NFIC: variants seen among roughly 807,000 people sequenced by gnomAD.
NFIC encodes the protein nuclear factor 1 C-type.
Under a neutral mutation model 54.4 loss-of-function variants are expected in NFIC, and 12 were observed. That is an observed-to-expected ratio of 0.22 (90% CI 0.14 to 0.36). The LOEUF is 0.36. Ranked by LOEUF, NFIC falls within the 10% of genes least tolerant of loss-of-function variation. The pLI is 1.00. For missense variants in NFIC, 575 were observed against 718.2 expected (o/e 0.80, Z 2.28); for synonymous variants, 322 against 319.2 (o/e 1.01, Z -0.09).
chr19:3,461,838 G>A (rs1446593475), intron 10 of NFIC, among the ~76,000 whole-genome samples: 1 of 149,210 alleles, frequency 6.7e-6, no homozygotes, highest in Admixed American at 6.7e-5. Flanking sequence ...GGCGGATCAC[G>A]AGGTCAAGAG....
rs2081485689 is a variant in NFIC at position 3,397,626 on chromosome 19, CG to C, written c.562+15384del. The stretch of plus-strand genomic sequence containing the variant: ...CACCTCGCTCTCTCTCCCGGCCTTG[CG>C]AGTCTCCTCCCAGCCCCCCATCCCA... On this transcript the variant is annotated intron_variant, in intron 2 of 10. Coordinates refer to ENST00000443272, the MANE Select transcript of NFIC (RefSeq NM_001245002.2). Among the ~76,000 whole-genome samples the C allele has an allele frequency of 3.9e-5, 6 of 152,206 alleles. No homozygotes were observed. In the South Asian group the frequency reaches 1.2e-3, roughly 31 times the overall value.
rs1041626324 is a variant in NFIC, at chr19:3,375,487, A to G, written c.31-6225A>G. Among the ~76,000 whole-genome samples the G allele has an allele frequency of 7.9e-5, 12 of 152,204 alleles. No homozygotes were observed. The highest frequency in any genetic ancestry group is 2.9e-4 in the African/African-American group (12 of 41,454). Reference sequence around the variant, plus strand: ...CCCCATCTCTGGGTCTCATCCAGTCAGGGGCAGGGACGAGATTGGACAGGG... The same window carrying G: ...CCCCATCTCTGGGTCTCATCCAGTCGGGGGCAGGGACGAGATTGGACAGGG... On this transcript the variant is annotated intron_variant, in intron 1 of 10. Coordinates refer to ENST00000443272, the MANE Select transcript of NFIC (RefSeq NM_001245002.2). This position sits in a 1 kb window ranked among gnomAD's most constrained non-coding sequence, Gnocchi z 4.6.
chr19:3,362,390 G>T (rs1261504285), upstream of NFIC, among the ~76,000 whole-genome samples: 1 of 151,494 alleles, frequency 6.6e-6, no homozygotes, highest in African/African-American at 2.4e-5. Flanking sequence ...GTTTGTGGCT[G>T]TGTGTGTGCC....
At chr19:3,417,624 CTTTT>C (rs757954619) in intron 2 of NFIC, among the ~76,000 whole-genome samples, 4 of 121,638 alleles carry the variant, frequency 3.3e-5, no homozygotes, top group African/African-American at 6.5e-5. Context: ...TTTTTCTTTT[CTTTT>C]TTTTTTTTTT....
intron 2 of NFIC, among the ~76,000 whole-genome samples, chr19:3,391,191 A>G (rs1047495119): frequency 2.6e-5 from 4 of 151,830 alleles, no homozygotes; most frequent in African/African-American, 9.7e-5. Flanking sequence ...TTGAGGCTGC[A>G]ATGAGCTATG....
intron 2 of NFIC, among the ~76,000 whole-genome samples, chr19:3,418,045 G>A (rs187946573): frequency 1.9e-4 from 29 of 151,176 alleles, no homozygotes; most frequent in Admixed American, 1.9e-3. Flanking sequence ...GTGGCTCTTT[G>A]GTGCTTGAAA....
chr19:3,410,403 T>C (rs1369337432), intron 2 of NFIC, among the ~76,000 whole-genome samples: 2 of 152,124 alleles, frequency 1.3e-5, no homozygotes, highest in East Asian at 1.9e-4. Context: ...GAATGAGCCA[T>C]GTAGATAGCT....
At chr19:3,371,904 C>CTTCA (rs1457284225) in intron 1 of NFIC, among the ~76,000 whole-genome samples, 1 of 67,852 alleles carries the variant, frequency 1.5e-5, no homozygotes, top group Non-Finnish European at 4.2e-5. Context: ...TCCTTCCTTC[C>CTTCA]TTCCTTCCTT....
At chr19:3,425,947 TTTTTTG>T (rs2082021531) in intron 3 of NFIC, among the ~76,000 whole-genome samples, 3 of 63,850 alleles carry the variant, frequency 4.7e-5, no homozygotes, top group Non-Finnish European at 1.0e-4. Flanking sequence ...TTTTTTTTTT[TTTTTTG>T]AGATGGAGTA....
In NFIC at chr19:3,425,039, G is replaced by T; in HGVS notation, c.563-67G>T. ...GCCCAGGACTGGGGCCACCAGCATC[G>T]ACACTTCATCTGCTCCTGGGGTGGG... is the stretch of plus-strand genomic sequence containing the variant. On this transcript the variant is annotated intron_variant, in intron 2 of 10. Transcript: ENST00000443272. 2.6e-6 allele frequency: 4 copies of T among 1,558,884 alleles called. No homozygotes were observed. In the South Asian group the frequency reaches 4.6e-5, roughly 18 times the overall value.
chr19:3,447,831 G>A (rs191493161), intron 6 of NFIC, among the ~76,000 whole-genome samples: 1 of 152,228 alleles, frequency 6.6e-6, no homozygotes, highest in African/African-American at 2.4e-5. Context: ...GGTGCCTGGA[G>A]GGGGAGGGAA....
chr19:3,433,450 G>C, intron 3 of NFIC, 68 bp from the exon 4 acceptor site: 1 of 1,530,298 alleles, frequency 6.5e-7, no homozygotes. Context: ...AGTCCAGGCA[G>C]CCCTGGAGTG....
chr19:3,388,493 G>C (rs1171122592), intron 2 of NFIC, among the ~76,000 whole-genome samples: 3 of 152,132 alleles, frequency 2.0e-5, no homozygotes, highest in Non-Finnish European at 2.9e-5. Flanking sequence ...AGCTCCTCAG[G>C]GGCAGAGCCG....
At chr19:3,410,848 G>C (rs764440414) in intron 2 of NFIC, 6 of 152,306 alleles carry the variant, frequency 3.9e-5, no homozygotes, top group East Asian at 1.9e-4. Context: ...GAGGTTGGAG[G>C]CTCCGACAGA....
At chr19:3,398,090 A>G (rs2081494214) in intron 2 of NFIC, among the ~76,000 whole-genome samples, 1 of 152,138 alleles carries the variant, frequency 6.6e-6, no homozygotes, top group Admixed American at 6.6e-5. Context: ...TCCGGCGCCC[A>G]CTGTGCATTG....
chr19:3,381,984 G>C lies in NFIC; in HGVS notation c.303G>C (p.Ala101=), dbSNP rs367554475. ...TGCTGAGCATCACCGGCAAGAAGGC[G>C]CCGGGCTGCGTGCTCTCCAACCCCG... The part of the protein sequence containing the change: ...DFVLSITGKK[A]PGCVLSNPDQ... Residue 101 remains alanine, a synonymous_variant, in exon 2 of 11, where the codon GCG becomes GCC. Coordinates refer to ENST00000443272, the MANE Select transcript of NFIC (RefSeq NM_001245002.2). 5.6e-6 allele frequency: 9 copies of C among 1,613,308 alleles called. No individual in the cohort carries two copies. The South Asian group carries it at 9.9e-5, about 18-fold the overall frequency.
At chr19:3,365,923 G>A (rs892711929), upstream of NFIC, among the ~76,000 whole-genome samples, 1 of 152,228 alleles carries the variant, frequency 6.6e-6, no homozygotes, top group Non-Finnish European at 1.5e-5. Flanking sequence ...GCTCTGGGGG[G>A]AGAAGGGAGC....
At chr19:3,417,614 TTTTTC>T (rs1354504260) in intron 2 of NFIC, among the ~76,000 whole-genome samples, 4 of 149,940 alleles carry the variant, frequency 2.7e-5, no homozygotes, top group South Asian at 4.2e-4. Flanking sequence ...TCTGTGCCTC[TTTTTC>T]TTTTCTTTTT....
chr19:3,445,358 T>TCCCA (rs2082360022), intron 6 of NFIC, among the ~76,000 whole-genome samples: 1 of 152,132 alleles, frequency 6.6e-6, no homozygotes, highest in African/African-American at 2.4e-5. Flanking sequence ...GTCACAGACT[T>TCCCA]CATGGCATCC....
Sources: gnomAD v4.1 joint callset for allele counts (sites outside exome capture counted in the v4.1 genomes callset) on GRCh38, gnomAD v4.1.1 for gene constraint, Gnocchi (gnomAD v3.1) non-coding constraint, MANE v1.5 for transcripts, NCBI Gene and HGNC (gene_info 2026-07-23, HGNC 2026-07-21) for gene names.